Variants in FAM110B observed in about 807,000 individuals in gnomAD.
FAM110B encodes the protein family with sequence similarity 110 member B.
In FAM110B, 6 loss-of-function variants were observed where a neutral mutation model predicts 20.4. That is an observed-to-expected ratio of 0.29 (90% CI 0.16 to 0.58). The LOEUF (loss-of-function observed/expected upper bound fraction) is 0.58. Ranked by LOEUF, FAM110B falls within the 20% of genes least tolerant of loss-of-function variation. The probability of loss-of-function intolerance (pLI) is 0.90; values close to 1 mark genes in which losing one functional copy is unlikely to be tolerated. For synonymous variants in FAM110B, 226 were observed against 214.1 expected, an observed-to-expected ratio of 1.06 and a Z score of -0.49; for missense variants, 434 against 498.2, an observed-to-expected ratio of 0.87 and a Z score of 1.23.
intron 2 of FAM110B, among the ~76,000 whole-genome samples, chr8:58,057,305 C>T (rs1430757797): frequency 2.0e-5 from 3 of 152,126 alleles, no homozygotes; most frequent in Non-Finnish European, 2.9e-5. Context: ...AAGTGCTGGG[C>T]TTGTTGATAG....
At chr8:58,043,026 C>A (rs555909341) in intron 2 of FAM110B, among the ~76,000 whole-genome samples, 1 of 152,156 alleles carries the variant, frequency 6.6e-6, no homozygotes, top group Non-Finnish European at 1.5e-5. Context: ...GGTGGGAGTG[C>A]GATGCACCAG....
At chr8:58,124,167 G>A (rs1291325311) in intron 3 of FAM110B, among the ~76,000 whole-genome samples, 1 of 152,156 alleles carries the variant, frequency 6.6e-6, no homozygotes, top group Admixed American at 6.5e-5. Context: ...TTAGGATTGG[G>A]CTCTATTTTA....
chr8:58,045,107 C>G (rs1358516022), intron 2 of FAM110B, among the ~76,000 whole-genome samples: 3 of 152,106 alleles, frequency 2.0e-5, no homozygotes, highest in Non-Finnish European at 4.4e-5. Context: ...TGGTGTAGGT[C>G]TCTGCAATTA....
chr8:58,137,713 C>T (rs1228171251), intron 3 of FAM110B, among the ~76,000 whole-genome samples: 3 of 152,216 alleles, frequency 2.0e-5, no homozygotes, highest in Non-Finnish European at 4.4e-5. Flanking sequence ...CTCAGGTACA[C>T]TAGCTGGAGA....
At chr8:58,079,218 G>A (rs1008380642) in intron 3 of FAM110B, among the ~76,000 whole-genome samples, 1 of 152,104 alleles carries the variant, frequency 6.6e-6, no homozygotes, top group Admixed American at 6.5e-5. Flanking sequence ...CAGGAGAGTC[G>A]GCACGACAGT....
chr8:57,995,253 C>T (rs1804160533), intron 1 of FAM110B, among the ~76,000 whole-genome samples: 1 of 151,952 alleles, frequency 6.6e-6, no homozygotes, highest in African/African-American at 2.4e-5. Flanking sequence ...GGGGACTCCG[C>T]TCGGCCACCG....
intron 1 of FAM110B, among the ~76,000 whole-genome samples, chr8:58,016,089 C>G (rs1381153248): frequency 1.1e-4 from 17 of 152,112 alleles, no homozygotes; most frequent in Non-Finnish European, 2.5e-4. Context: ...TCAGTTTTAG[C>G]ATCTGAGAAA....
chr8:58,011,822 G>T (rs942894347), intron 1 of FAM110B, among the ~76,000 whole-genome samples: 1 of 152,182 alleles, frequency 6.6e-6, no homozygotes, highest in African/African-American at 2.4e-5. Context: ...CCATGGCTTT[G>T]CTTCCATCAG....
At chr8:58,129,297 G>T (rs568143984) in intron 3 of FAM110B, among the ~76,000 whole-genome samples, 2 of 152,176 alleles carry the variant, frequency 1.3e-5, no homozygotes, top group Non-Finnish European at 2.9e-5. Context: ...GTCCCAACTG[G>T]AGAATTAACA....
intron 3 of FAM110B, among the ~76,000 whole-genome samples, chr8:58,087,735 T>C (rs2150601379): frequency 6.6e-6 from 1 of 152,338 alleles, no homozygotes; most frequent in Admixed American, 6.5e-5. Context: ...CCAAAACCAC[T>C]CTGCATTCAT....
Position 58,104,235 on chromosome 8 carries a change from C to T in FAM110B, c.-325+28612C>T, listed in dbSNP as rs952951894. 6.6e-5 allele frequency among the ~76,000 whole-genome samples: 10 copies of T among 152,204 alleles called. 1 individual carries two copies. In the East Asian group the frequency reaches 1.9e-3, roughly 29 times the overall value. On this transcript the variant is annotated intron_variant, in intron 3 of 3. Transcript: ENST00000519262. ...CACTATAGTTCCACCTGTTCTTCTC[C>T]AAGAATTGCAACAAAGCATTTTCAA... is the stretch of plus-strand genomic sequence containing the variant.
intron 2 of FAM110B, among the ~76,000 whole-genome samples, chr8:58,075,206 A>G (rs1806002534): frequency 6.6e-6 from 1 of 151,120 alleles, no homozygotes; most frequent in East Asian, 1.9e-4. Context: ...CCCAGGTTCA[A>G]GTGATTCTTG....
chr8:58,144,421 A>T (rs964308843), intron 3 of FAM110B, among the ~76,000 whole-genome samples: 58 of 152,210 alleles, frequency 3.8e-4, no homozygotes, highest in African/African-American at 1.4e-3. Context: ...TTTATACTAA[A>T]TTGAGGTATC....
intron 2 of FAM110B, among the ~76,000 whole-genome samples, chr8:58,041,063 G>C (rs1240665709): frequency 6.7e-6 from 1 of 149,298 alleles, no homozygotes; most frequent in Non-Finnish European, 1.5e-5. Flanking sequence ...GCCTCAGCCT[G>C]CTGAGTAGCT....
intron 2 of FAM110B, among the ~76,000 whole-genome samples, chr8:58,060,018 G>C (rs1021695936): frequency 1.3e-5 from 2 of 151,868 alleles, no homozygotes; most frequent in Non-Finnish European, 2.9e-5. Flanking sequence ...TATTGTCTTA[G>C]TGCCTTTGTT....
At chr8:58,068,509 T>G (rs144291119) in intron 2 of FAM110B, among the ~76,000 whole-genome samples, 6 of 152,324 alleles carry the variant, frequency 3.9e-5, no homozygotes, top group African/African-American at 1.4e-4. Flanking sequence ...ATAGTCCTGT[T>G]TCTTGGCTAC....
intron 1 of FAM110B, among the ~76,000 whole-genome samples, chr8:58,013,179 A>G (rs1362864690): frequency 1.3e-5 from 2 of 152,188 alleles, no homozygotes; most frequent in Non-Finnish European, 2.9e-5. Flanking sequence ...ATCAACAAAG[A>G]TTTCTCTCTT....
rs370139575 is a variant in FAM110B, at chr8:58,008,734, C to T, written c.-512+13928C>T. 8.7e-4 allele frequency among the ~76,000 whole-genome samples: 132 copies of T among 152,294 alleles called. 3 individuals are homozygous for T. The South Asian group carries it at 0.023, about 26-fold the overall frequency. On this transcript the variant is annotated intron_variant, in intron 1 of 3. Coordinates refer to ENST00000519262, the MANE Select transcript of FAM110B (RefSeq NM_001377989.1). ...GGAGGGGACTCAATGAATACTTCTCCGTGCATCTGAACTAAGGCTGACACC... is the reference window on the plus strand; with the variant it reads ...GGAGGGGACTCAATGAATACTTCTCTGTGCATCTGAACTAAGGCTGACACC...
intron 3 of FAM110B, among the ~76,000 whole-genome samples, chr8:58,086,368 A>G (rs1806335631): frequency 6.6e-6 from 1 of 152,240 alleles, no homozygotes; most frequent in South Asian, 2.1e-4. Context: ...CAAATCTGCA[A>G]CAATTTTGAA....
Sources: allele counts gnomAD v4.1 joint callset (sites outside exome capture counted in the v4.1 genomes callset), GRCh38; gene constraint gnomAD v4.1.1; transcripts MANE v1.5; gene names NCBI Gene and HGNC (gene_info 2026-07-23, HGNC 2026-07-21).